Variants in POF1B observed in about 807,000 individuals in gnomAD.
POF1B encodes POF1B actin binding protein.
Under a neutral mutation model 55.3 loss-of-function variants are expected in POF1B, and 53 were observed. That is an observed-to-expected ratio of 0.96 (90% confidence interval 0.77 to 1.20). The LOEUF is 1.20. Ranked by LOEUF, POF1B falls within the 50% of genes most tolerant of loss-of-function variation. The probability of loss-of-function intolerance (pLI) is 0.00; values close to 1 mark genes in which losing one functional copy is unlikely to be tolerated. For missense variants in POF1B, 478 were observed against 420.5 expected (o/e 1.14, Z -1.20); for synonymous variants, 188 against 148.3 (o/e 1.27, Z -1.95).
In POF1B at chrX:85,379,405, T is replaced by G; in HGVS notation, c.50A>C (p.Gln17Pro). 1 of 1,207,335 alleles carries G rather than the reference T, an allele frequency of 8.3e-7. No homozygotes were observed. Among genetic ancestry groups the G allele is most frequent in the Non-Finnish European group, 1.1e-6 (1 of 894,559 alleles). Residue 17 changes from glutamine to proline, a missense_variant, in exon 2 of 17, where the codon CAG (glutamine) becomes CCG (proline). Gln to Pro is a moderately conservative substitution (Grantham distance 76). Coordinates refer to ENST00000262753, the MANE Select transcript of POF1B (RefSeq NM_024921.4). The part of the protein sequence containing the change: ...SETSSSSCGT[Q>P]QLPEVLQCQP... ...GCACTGCAGCACCTCTGGGAGCTGC[T>G]GGGTTCCACAGCTGCTGCTGCTCGT...
chrX:85,357,468 C>A (rs1569296709), intron 4 of POF1B, among the ~76,000 whole-genome samples: 1 of 111,010 alleles, frequency 9.0e-6, no homozygotes, highest in African/African-American at 3.3e-5. Flanking sequence ...CAATTCATCT[C>A]ATCTTCTCAC....
At chrX:85,360,554 T>TATATATATATATATAC (rs1211620944) in intron 3 of POF1B, among the ~76,000 whole-genome samples, 5 of 85,056 alleles carry the variant, frequency 5.9e-5, no homozygotes, top group African/African-American at 2.1e-4. Context: ...TATATATATA[T>TATATATATATATATAC]ATATACATAT....
intron 7 of POF1B, among the ~76,000 whole-genome samples, chrX:85,322,507 G>A (rs1222616379): frequency 9.0e-6 from 1 of 111,462 alleles, no homozygotes; most frequent in African/African-American, 3.3e-5. Flanking sequence ...GAAAACCTAG[G>A]CATTACCATT....
At chrX:85,300,703 A>G (rs1027011854) in intron 15 of POF1B, among the ~76,000 whole-genome samples, 2 of 112,105 alleles carry the variant, frequency 1.8e-5, no homozygotes, top group African/African-American at 3.2e-5. Context: ...AATCACTTGA[A>G]ACTATCCATT....
rs1227476048 is a variant in POF1B, at chrX:85,360,537, A to G, written c.358-907T>C. Among the ~76,000 whole-genome samples, 7 of 82,717 alleles carry G rather than the reference A, an allele frequency of 8.5e-5. 1 individual carries two copies. Among genetic ancestry groups the G allele is most frequent in the African/African-American group, 2.1e-4 (3 of 14,300 alleles). 71.8% of individuals were successfully genotyped at this position (82,717 alleles called of 115,157 possible). A position where few individuals can be genotyped will look rare whatever the true frequency, so the allele number is the denominator to read the frequency against. ...AGTATTCCATGGTATGTATATATAT[A>G]TATATATATATATATATATATACAT... On this transcript the variant is annotated intron_variant, in intron 3 of 16. Coordinates refer to ENST00000262753, the MANE Select transcript of POF1B (RefSeq NM_024921.4).
At chrX:85,302,142 C>T (rs895924373) in intron 15 of POF1B, among the ~76,000 whole-genome samples, 2 of 110,888 alleles carry the variant, frequency 1.8e-5, no homozygotes, top group African/African-American at 6.5e-5. Flanking sequence ...GCATATTATA[C>T]TCTCAAGATA....
At chrX:85,316,552 A>T (rs1932788966) in intron 7 of POF1B, among the ~76,000 whole-genome samples, 1 of 111,043 alleles carries the variant, frequency 9.0e-6, no homozygotes, top group African/African-American at 3.3e-5. Context: ...GCTCCACTTG[A>T]TGGAAGAATT....
chrX:85,377,006 A>G (rs1933934267), intron 2 of POF1B, among the ~76,000 whole-genome samples: 1 of 112,251 alleles, frequency 8.9e-6, no homozygotes, highest in South Asian at 3.6e-4. Flanking sequence ...TCAACCATTG[A>G]TTGTAAAATC....
intron 6 of POF1B, among the ~76,000 whole-genome samples, chrX:85,341,991 C>A (rs1176353411): frequency 9.0e-6 from 1 of 111,229 alleles, no homozygotes; most frequent in Non-Finnish European, 1.9e-5. Flanking sequence ...TGCACACACA[C>A]TATATACACT....
At chrX:85,367,008 G>T (rs1221581899) in intron 3 of POF1B, among the ~76,000 whole-genome samples, 1 of 110,701 alleles carries the variant, frequency 9.0e-6, no homozygotes, top group Non-Finnish European at 1.9e-5. Context: ...CCCGCATCTG[G>T]GTCAGATTGT....
Position 85,279,801 on chromosome X carries a change from A to G in POF1B, c.1765-375T>C, listed in dbSNP as rs142391747. Among the ~76,000 whole-genome samples the G allele has an allele frequency of 6.1e-3, 682 of 110,922 alleles. 6 individuals are homozygous for G. Among genetic ancestry groups the G allele is most frequent in the Admixed American group, 0.035 (362 of 10,355 alleles). ...ATAGATTCTTCAAATATCAATTTTG[A>G]TTTTTACTGCTGCACATTTTTAATG... On this transcript the variant is annotated intron_variant, in intron 16 of 16. Coordinates refer to ENST00000262753, the MANE Select transcript of POF1B (RefSeq NM_024921.4).
At chrX:85,312,401 A>C (rs1932724343) in intron 9 of POF1B, among the ~76,000 whole-genome samples, 1 of 111,821 alleles carries the variant, frequency 8.9e-6, no homozygotes, top group Non-Finnish European at 1.9e-5. Context: ...ATGGCTAGCC[A>C]GTTTTCCCAG....
At chrX:85,282,147 TA>T in intron 16 of POF1B, 55 bp downstream of exon 16, 1 of 1,059,035 alleles carries the variant, frequency 9.4e-7, no homozygotes, top group Admixed American at 3.8e-5. Context: ...ACCTCAATTT[TA>T]AAAGGCTGTA....
intron 7 of POF1B, among the ~76,000 whole-genome samples, chrX:85,326,833 G>A (rs1932902749): frequency 9.1e-6 from 1 of 109,931 alleles, no homozygotes; most frequent in African/African-American, 3.3e-5. Flanking sequence ...CTGTCTGCCA[G>A]TGGAGGAGGT....
At chrX:85,291,772 G>A (rs1479181623) in intron 15 of POF1B, among the ~76,000 whole-genome samples, 1 of 110,933 alleles carries the variant, frequency 9.0e-6, no homozygotes, top group Non-Finnish European at 1.9e-5. Flanking sequence ...TATTGATTTT[G>A]TATCCTGAGA....
intron 4 of POF1B, among the ~76,000 whole-genome samples, chrX:85,353,774 G>A (rs993456887): frequency 2.7e-5 from 3 of 111,338 alleles, no homozygotes; most frequent in Non-Finnish European, 5.7e-5. Context: ...ACTAGTGCTA[G>A]GTTAAACTAG....
At chrX:85,314,099 A>T (rs1338772271) in intron 9 of POF1B, among the ~76,000 whole-genome samples, 2 of 110,364 alleles carry the variant, frequency 1.8e-5, no homozygotes, top group African/African-American at 6.6e-5. Context: ...CTTCTTTATC[A>T]GTCTGGCTAG....
intron 6 of POF1B, among the ~76,000 whole-genome samples, chrX:85,344,573 A>G (rs1251467425): frequency 9.0e-6 from 1 of 111,332 alleles, no homozygotes; most frequent in East Asian, 2.9e-4. Context: ...ACTGTATAAA[A>G]TTGTTGCTAT....
intron 16 of POF1B, among the ~76,000 whole-genome samples, chrX:85,280,428 AC>A (rs1251285646): frequency 1.8e-5 from 2 of 111,476 alleles, no homozygotes; most frequent in Non-Finnish European, 3.8e-5. Context: ...AAAGAAATGG[AC>A]ATATTATAAG....
Sources: gnomAD v4.1 joint callset for allele counts (sites outside exome capture counted in the v4.1 genomes callset) on GRCh38, gnomAD v4.1.1 for gene constraint, MANE v1.5 for transcripts, NCBI Gene and HGNC (gene_info 2026-07-23, HGNC 2026-07-21) for gene names.